Variants in PKHD1 observed in about 807,000 individuals in gnomAD.
PKHD1 encodes the protein PKHD1 ciliary IPT domain containing fibrocystin/polyductin.
Under a neutral mutation model 412.0 loss-of-function variants are expected in PKHD1, and 291 were observed. The ratio of observed to expected loss-of-function variants is 0.71; its 90% CI spans 0.64 to 0.78. The LOEUF (loss-of-function observed/expected upper bound fraction) is 0.78. PKHD1 is among the 30% of genes least tolerant of loss of function. The pLI is 0.00. For missense variants in PKHD1, 4,825 were observed against 4,950.7 expected, an observed-to-expected ratio of 0.97 and a Z score of 0.76; for synonymous variants, 1,777 against 1,821.5, an observed-to-expected ratio of 0.98 and a Z score of 0.62.
Position 51,960,850 on chromosome 6 carries a change from C to T in PKHD1, c.5752-824G>A, listed in dbSNP as rs190888764. Among the ~76,000 whole-genome samples, 392 of 152,228 alleles carry T rather than the reference C, an allele frequency of 2.6e-3. 6 individuals carry two copies. Among genetic ancestry groups the T allele is most frequent in the Non-Finnish European group, 1.5e-3 (104 of 68,014 alleles). ...TGGCTTTCCTGTTAATTTGTGGTCACTCTGATGTCATACGTTTTTTAAAAC... is the reference window on the plus strand; with the variant it reads ...TGGCTTTCCTGTTAATTTGTGGTCATTCTGATGTCATACGTTTTTTAAAAC... On this transcript the variant is annotated intron_variant, in intron 35 of 66. Coordinates refer to ENST00000371117, the MANE Select transcript of PKHD1 (RefSeq NM_138694.4).
chr6:51,661,239 T>C (rs1186485969), intron 60 of PKHD1, among the ~76,000 whole-genome samples: 3 of 151,984 alleles, frequency 2.0e-5, no homozygotes, highest in East Asian at 1.9e-4. Flanking sequence ...GAAATATAGA[T>C]ACAGATATAG....
Position 51,721,132 on chromosome 6 carries a change from A to G in PKHD1, c.10156+23253T>C. On this transcript the variant is annotated intron_variant, in intron 60 of 66. Transcript: ENST00000371117. ...GTGCACAAGAATGGCACACTGTTCCAATAATGGAACACTGGGCACATGGGA... is the reference window on the plus strand; with the variant it reads ...GTGCACAAGAATGGCACACTGTTCCGATAATGGAACACTGGGCACATGGGA... The G allele has an allele frequency of 1.4e-5, 14 of 975,038 alleles. No homozygotes were observed. The South Asian group carries it at 1.9e-4, about 13-fold the overall frequency. The allele number at this position is 975,038 out of a possible 1,614,324, so 60.4% of individuals were successfully genotyped here. A position where few individuals can be genotyped will look rare whatever the true frequency, so the allele number is the denominator to read the frequency against.
chr6:51,972,819 A>G (rs933380217), intron 35 of PKHD1, among the ~76,000 whole-genome samples: 1 of 152,226 alleles, frequency 6.6e-6, no homozygotes, highest in Non-Finnish European at 1.5e-5. Context: ...CTTGAGCAAC[A>G]TTAGAGGTAA....
chr6:51,815,371 A>G (rs938068948), intron 52 of PKHD1, among the ~76,000 whole-genome samples: 1 of 152,210 alleles, frequency 6.6e-6, no homozygotes, highest in African/African-American at 2.4e-5. Flanking sequence ...GGAGAATTAA[A>G]TCAAATGAGG....
chr6:52,083,108 A>G (rs1812277803), intron 3 of PKHD1, 70 bp downstream of exon 3: 1 of 1,079,166 alleles, frequency 9.3e-7, no homozygotes, highest in Non-Finnish European at 1.4e-6. Flanking sequence ...GAAGAAAACC[A>G]AAGACTCATA....
chr6:51,682,231 G>T, intron 60 of PKHD1: 1 of 455,686 alleles, frequency 2.2e-6, no homozygotes, highest in Non-Finnish European at 4.4e-6. Flanking sequence ...CTCTTCTTTT[G>T]TCCCCAGGAG....
intron 36 of PKHD1, among the ~76,000 whole-genome samples, chr6:51,936,215 G>T (rs1485167098): frequency 6.6e-6 from 1 of 152,108 alleles, no homozygotes; most frequent in Admixed American, 6.5e-5. Context: ...TGATTTAAGT[G>T]CCTCTATTTC....
intron 27 of PKHD1, 73 bp from the exon 28 acceptor site, chr6:52,035,794 T>C: frequency 7.1e-7 from 1 of 1,412,590 alleles, no homozygotes; most frequent in Non-Finnish European, 1.0e-6. Context: ...ATGCACAAGA[T>C]GGATAAAATG....
chr6:51,983,979 G>C (rs983843899), intron 35 of PKHD1, among the ~76,000 whole-genome samples: 3 of 152,170 alleles, frequency 2.0e-5, no homozygotes, highest in Non-Finnish European at 4.4e-5. Flanking sequence ...TAGTCACACT[G>C]TTCTAATTGT....
intron 21 of PKHD1, among the ~76,000 whole-genome samples, chr6:52,051,904 G>A (rs890024903): frequency 8.1e-5 from 11 of 135,634 alleles, no homozygotes; most frequent in Non-Finnish European, 1.7e-4. Flanking sequence ...TTCTAAGTGT[G>A]CCAGAGCACA....
intron 27 of PKHD1, among the ~76,000 whole-genome samples, chr6:52,036,362 C>T (rs866640643): frequency 2.6e-5 from 4 of 152,360 alleles, no homozygotes; most frequent in South Asian, 4.1e-4. Flanking sequence ...CCACAGAAAT[C>T]CCCATTTCTT....
At position 51,959,678 on chromosome 6, in the gene PKHD1, G is replaced by A. The variant is rs1561989279; in HGVS notation, c.5908+192C>T. 2.0e-5 allele frequency among the ~76,000 whole-genome samples: 3 copies of A among 152,010 alleles called. No individual in the cohort carries two copies. The East Asian group carries it at 5.8e-4, about 29-fold the overall frequency. ...ACTAATCAAGCTCTGTGCTTATAAT[G>A]AGTCCAAAGAAAGGCCTTTCACTTT... On this transcript the variant is annotated intron_variant, in intron 36 of 66. Transcript: ENST00000371117.
chr6:51,831,064 C>G, intron 51 of PKHD1, 75 bp from the exon 52 acceptor site: 1 of 1,133,522 alleles, frequency 8.8e-7, no homozygotes, highest in Non-Finnish European at 1.3e-6. Flanking sequence ...TTTTAGGATG[C>G]TAGTGGTATT....
Position 52,025,320 on chromosome 6 carries a change from C to T in PKHD1, c.4490G>A (p.Gly1497Glu). Residue 1497 changes from glycine to glutamate, a missense_variant, in exon 32 of 67, where the codon GGG (glycine) becomes GAG (glutamate). Gly to Glu is a moderately conservative substitution (Grantham distance 98). Transcript: ENST00000371117. ...CCTAATCAGCACAGTGGTCAGAGACCCACTGGTGTTTGTGGACAAGGCATC... is the reference window on the plus strand; with the variant it reads ...CCTAATCAGCACAGTGGTCAGAGACTCACTGGTGTTTGTGGACAAGGCATC... Reference protein sequence around the residue: ...VMDALSTNTSGSLTTVLIRGQ... With the variant: ...VMDALSTNTSESLTTVLIRGQ... 6.2e-7 allele frequency: 1 copy of T among 1,614,044 alleles called. No homozygotes were observed. Among genetic ancestry groups the T allele is most frequent in the Non-Finnish European group, 8.5e-7 (1 of 1,179,992 alleles).
chr6:51,684,138 G>C (rs1000555523), intron 60 of PKHD1, among the ~76,000 whole-genome samples: 1 of 152,010 alleles, frequency 6.6e-6, no homozygotes, highest in Non-Finnish European at 1.5e-5. Context: ...CAAACTGAGC[G>C]GTGTGTTTTT....
Position 51,699,911 on chromosome 6 carries a change from T to C in PKHD1, c.10157-39942A>G, listed in dbSNP as rs956834490. Among the ~76,000 whole-genome samples, 5 of 38,740 alleles carry C rather than the reference T, an allele frequency of 1.3e-4. No individual in the cohort carries two copies. The East Asian group carries it at 6.2e-3, about 48-fold the overall frequency. The allele number at this position is 38,740 out of a possible 152,430, so 25.4% of individuals were successfully genotyped here. On this transcript the variant is annotated intron_variant, in intron 60 of 66. Transcript: ENST00000371117. ...TAGAACAAATTTGGCCTCTGGAATA[T>C]ATATATGGAGTGTGTGTGTGTGTGT...
intron 43 of PKHD1, among the ~76,000 whole-genome samples, chr6:51,895,312 A>T (rs1351742497): frequency 6.6e-6 from 1 of 152,194 alleles, no homozygotes; most frequent in Admixed American, 6.5e-5. Context: ...CTATGTCTTT[A>T]AGTAATGGCA....
At chr6:51,950,274 T>C (rs1484262538) in intron 36 of PKHD1, among the ~76,000 whole-genome samples, 2 of 144,972 alleles carry the variant, frequency 1.4e-5, no homozygotes, top group Non-Finnish European at 3.0e-5. Context: ...CTGCAAACAA[T>C]AGCAGTTGGG....
At chr6:51,817,609 C>T (rs1765682896) in intron 52 of PKHD1, among the ~76,000 whole-genome samples, 2 of 152,192 alleles carry the variant, frequency 1.3e-5, no homozygotes, top group Admixed American at 1.3e-4. Context: ...TGATCCAACA[C>T]ACGTTCACCG....
Sources: gnomAD v4.1 joint callset for allele counts (sites outside exome capture counted in the v4.1 genomes callset) on GRCh38, gnomAD v4.1.1 for gene constraint, MANE v1.5 for transcripts, NCBI Gene and HGNC (gene_info 2026-07-23, HGNC 2026-07-21) for gene names.